The following AGBL4 variants were observed in gnomAD, a reference collection of about 807,000 sequenced individuals.
AGBL4 encodes the protein AGBL carboxypeptidase 4.
A neutral mutation model predicts 66.4 loss-of-function variants in AGBL4; 58 were observed. The observed-to-expected ratio is 0.87, with a 90% confidence interval of 0.71 to 1.09. AGBL4 has a LOEUF of 1.09. Among genes scored for constraint, AGBL4 ranks in the 50% least tolerant of loss-of-function variants. The pLI is 0.00. For missense variants in AGBL4, 579 were observed against 631.0 expected, an observed-to-expected ratio of 0.92 and a Z score of 0.88; for synonymous variants, 234 against 222.9, an observed-to-expected ratio of 1.05 and a Z score of -0.44.
chr1:48,674,985 G>T (rs1235942886), intron 6 of AGBL4, among the ~76,000 whole-genome samples: 1 of 152,054 alleles, frequency 6.6e-6, no homozygotes, highest in African/African-American at 2.4e-5. Context: ...GCTTTTTGGG[G>T]GCAGAAGCCC....
intron 5 of AGBL4, among the ~76,000 whole-genome samples, chr1:49,001,433 T>C (rs571996791): frequency 1.3e-5 from 2 of 152,232 alleles, no homozygotes; most frequent in Non-Finnish European, 2.9e-5. Context: ...CAGGAAGTTA[T>C]GAACACTCAG....
At chr1:49,727,494 G>A (rs911647961) in intron 2 of AGBL4, among the ~76,000 whole-genome samples, 2 of 152,088 alleles carry the variant, frequency 1.3e-5, no homozygotes, top group African/African-American at 4.8e-5. Context: ...TGTATTAAGA[G>A]TCTCTGAGGC....
At chr1:48,634,692 A>G in intron 8 of AGBL4, 88 bp from the exon 9 acceptor site, 1 of 836,380 alleles carries the variant, frequency 1.2e-6, no homozygotes, top group South Asian at 2.0e-5. Flanking sequence ...AGGAGCAGTG[A>G]TTATGTCACT....
intron 4 of AGBL4, among the ~76,000 whole-genome samples, chr1:49,080,807 G>T (rs1317197060): frequency 6.6e-6 from 1 of 152,062 alleles, no homozygotes; most frequent in Non-Finnish European, 1.5e-5. Context: ...CTCTTTAAAT[G>T]ATTATTATTT....
chr1:48,674,357 G>C (rs899561630), intron 6 of AGBL4, among the ~76,000 whole-genome samples: 45 of 152,206 alleles, frequency 3.0e-4, no homozygotes, highest in Non-Finnish European at 4.7e-4. Context: ...AGGTGGCTGG[G>C]ATCAGCAAAT....
intron 9 of AGBL4, among the ~76,000 whole-genome samples, chr1:48,623,886 G>C (rs930379133): frequency 6.6e-6 from 1 of 152,182 alleles, no homozygotes; most frequent in Non-Finnish European, 1.5e-5. Context: ...GGGTAAACTG[G>C]AGTAGTTTGG....
intron 5 of AGBL4, among the ~76,000 whole-genome samples, chr1:48,892,585 C>T (rs989754160): frequency 2.0e-5 from 3 of 152,144 alleles, no homozygotes; most frequent in African/African-American, 7.2e-5. Flanking sequence ...AAAAGCGGGG[C>T]AACACTTGAA....
At chr1:48,628,336 G>C (rs1373596855) in intron 9 of AGBL4, among the ~76,000 whole-genome samples, 2 of 152,080 alleles carry the variant, frequency 1.3e-5, no homozygotes, top group African/African-American at 4.8e-5. Flanking sequence ...TCTTTCCCTT[G>C]CTCCAGCGTT....
rs1662907906 is a variant in AGBL4 at position 49,017,502 on chromosome 1, T to A, written c.594+28082A>T. 2.0e-5 allele frequency among the ~76,000 whole-genome samples: 3 copies of A among 152,134 alleles called. No individual in the cohort carries two copies. In the South Asian group the frequency reaches 6.2e-4, roughly 32 times the overall value. The stretch of plus-strand genomic sequence containing the variant: ...ATCATCTAATGGAGATATTTGGAGT[T>A]CAAACATGTAAATAATTTTGAGCCC... On this transcript the variant is annotated intron_variant, in intron 5 of 13. Coordinates refer to ENST00000371839, the MANE Select transcript of AGBL4 (RefSeq NM_032785.4).
chr1:48,910,451 T>C (rs1419412386), intron 5 of AGBL4, among the ~76,000 whole-genome samples: 1 of 152,200 alleles, frequency 6.6e-6, no homozygotes, highest in African/African-American at 2.4e-5. Context: ...TATTTTGAGA[T>C]GCTCCTTAGC....
chr1:49,628,697 A>G (rs76804948), intron 3 of AGBL4, among the ~76,000 whole-genome samples: 4,215 of 152,252 alleles, frequency 0.028, 169 homozygotes, highest in African/African-American at 0.096. Context: ...TGTTCAATGT[A>G]TTCCAGATGT....
At chr1:49,726,350 C>G (rs146776316) in intron 2 of AGBL4, among the ~76,000 whole-genome samples, 1 of 152,008 alleles carries the variant, frequency 6.6e-6, no homozygotes, top group Non-Finnish European at 1.5e-5. Flanking sequence ...AATCTTAACA[C>G]AAGTCAGGTC....
At chr1:49,881,768 T>C (rs1470925744) in intron 1 of AGBL4, among the ~76,000 whole-genome samples, 4 of 151,570 alleles carry the variant, frequency 2.6e-5, no homozygotes, top group East Asian at 1.9e-4. Context: ...TTTGAGTTCA[T>C]TGTAGATTCT....
intron 3 of AGBL4, among the ~76,000 whole-genome samples, chr1:49,566,929 C>T (rs1052048651): frequency 9.9e-5 from 15 of 152,194 alleles, no homozygotes; most frequent in Middle Eastern, 3.2e-3. Flanking sequence ...CCTCCTTGAG[C>T]TGTGGTGGGC....
At chr1:48,687,173 T>G (rs1453255193) in intron 6 of AGBL4, among the ~76,000 whole-genome samples, 1 of 151,136 alleles carries the variant, frequency 6.6e-6, no homozygotes, top group East Asian at 1.9e-4. Context: ...ACCAGACCAA[T>G]GTGGAGAAGG....
At chr1:49,144,736 A>C (rs1646184786) in intron 4 of AGBL4, among the ~76,000 whole-genome samples, 1 of 152,162 alleles carries the variant, frequency 6.6e-6, no homozygotes, top group Admixed American at 6.6e-5. Flanking sequence ...AGACAGACTG[A>C]GCAGGGATTG....
intron 1 of AGBL4, among the ~76,000 whole-genome samples, chr1:49,943,782 C>A (rs1001571697): frequency 6.6e-6 from 1 of 151,796 alleles, no homozygotes; most frequent in Admixed American, 6.6e-5. Context: ...AGAAGTCTCC[C>A]AGCCAGAATT....
chr1:48,604,131 T>A (rs964506479), intron 9 of AGBL4, among the ~76,000 whole-genome samples: 1 of 150,396 alleles, frequency 6.6e-6, no homozygotes, highest in Middle Eastern at 3.2e-3. Flanking sequence ...AGACTTCATC[T>A]CAAAACAAAA....
intron 11 of AGBL4, among the ~76,000 whole-genome samples, chr1:48,556,241 A>G (rs1181602363): frequency 1.3e-5 from 2 of 152,140 alleles, no homozygotes; most frequent in Non-Finnish European, 2.9e-5. Context: ...TATTTATCCA[A>G]TCTTTAGGAC....
Sources: gnomAD v4.1 joint callset for allele counts (sites outside exome capture counted in the v4.1 genomes callset) on GRCh38, gnomAD v4.1.1 for gene constraint, MANE v1.5 for transcripts, NCBI Gene and HGNC (gene_info 2026-07-23, HGNC 2026-07-21) for gene names.